Variants in PCDHGB2 observed in about 807,000 individuals in gnomAD.
The protein encoded by PCDHGB2 is protocadherin gamma subfamily B, 2, also known as protocadherin gamma-B2.
A neutral mutation model predicts 59.3 loss-of-function variants in PCDHGB2; 55 were observed. That is an observed-to-expected ratio of 0.93 (90% confidence interval 0.75 to 1.16). The LOEUF is 1.16. PCDHGB2 is among the 50% of genes most tolerant of loss of function. The probability of loss-of-function intolerance (pLI) is 0.00; values close to 1 mark genes in which losing one functional copy is unlikely to be tolerated. For missense variants in PCDHGB2, 1,228 were observed against 1,198.5 expected (o/e 1.02, Z -0.36); for synonymous variants, 516 against 512.0 (o/e 1.01, Z -0.11).
At chr5:141,364,915 G>T (rs1763616813) in intron 1 of PCDHGB2, 1 of 1,613,946 alleles carries the variant, frequency 6.2e-7, no homozygotes, top group East Asian at 2.2e-5. Flanking sequence ...CGGAGCTGGT[G>T]TTGGAACAGC....
intron 1 of PCDHGB2, chr5:141,372,647 C>T (rs1768941423): frequency 1.9e-6 from 3 of 1,613,918 alleles, no homozygotes; most frequent in South Asian, 2.2e-5. Flanking sequence ...TGCCTTATTC[C>T]TACAATCCGT....
chr5:141,391,493 G>A (rs949161885), intron 1 of PCDHGB2: 1 of 151,954 alleles, frequency 6.6e-6, no homozygotes, highest in Non-Finnish European at 1.5e-5. Context: ...TCTGTTTTCA[G>A]TAGAGAAAAT....
At chr5:141,421,529 C>T in intron 1 of PCDHGB2, 1 of 1,614,020 alleles carries the variant, frequency 6.2e-7, no homozygotes, top group Non-Finnish European at 8.5e-7. Flanking sequence ...GAGACGGTGT[C>T]CTCCTGTTTT....
At chr5:141,379,009 A>T (rs1310996873) in intron 1 of PCDHGB2, 1 of 152,210 alleles carries the variant, frequency 6.6e-6, no homozygotes, top group Non-Finnish European at 1.5e-5. Flanking sequence ...ATTTTTCTCC[A>T]GTCATGAGTT....
At chr5:141,488,478 A>T (rs1251914951) in intron 1 of PCDHGB2, among the ~76,000 whole-genome samples, 5 of 152,072 alleles carry the variant, frequency 3.3e-5, no homozygotes, top group African/African-American at 4.8e-5. Flanking sequence ...ATGTTCCCCT[A>T]CCCAAAAACT....
intron 1 of PCDHGB2, among the ~76,000 whole-genome samples, chr5:141,425,078 G>A (rs1196415752): frequency 3.9e-5 from 6 of 152,112 alleles, no homozygotes; most frequent in Admixed American, 6.5e-5. Flanking sequence ...AATTTCAACT[G>A]TAGGAAAGGC....
chr5:141,473,269 A>G (rs2099318337), intron 1 of PCDHGB2, among the ~76,000 whole-genome samples: 1 of 152,208 alleles, frequency 6.6e-6, no homozygotes. Flanking sequence ...AGTGTATGCT[A>G]TGATTATTTT....
intron 1 of PCDHGB2, chr5:141,364,981 C>A (rs756594174): frequency 7.2e-5 from 116 of 1,613,766 alleles, no homozygotes; most frequent in Non-Finnish European, 8.6e-5. Context: ...CTTTAGATGG[C>A]GGAGACCCGG....
Position 141,489,772 on chromosome 5 carries a change from T to C in PCDHGB2, c.2422-5035T>C, listed in dbSNP as rs1327700197. 6.2e-7 allele frequency: 1 copy of C among 1,614,154 alleles called. No individual in the cohort carries two copies. The highest frequency in any genetic ancestry group is 8.5e-7 in the Non-Finnish European group (1 of 1,179,994). ...TTACACTCTAAGCCCCAACAGCCAC[T>C]TCTCTCTGAATGTGAAGACCCTAAA... On this transcript the variant is annotated intron_variant, in intron 1 of 3. Coordinates refer to ENST00000522605, the MANE Select transcript of PCDHGB2 (RefSeq NM_018923.3). This position sits in a 1 kb window ranked among gnomAD's most constrained non-coding sequence, Gnocchi z 4.5.
chr5:141,433,358 C>CGTAT, intron 1 of PCDHGB2: 1 of 503,368 alleles, frequency 2.0e-6, no homozygotes, highest in Non-Finnish European at 3.5e-6. Context: ...CTACTGTCTG[C>CGTAT]CTATCTATCT....
At chr5:141,458,100 A>AT (rs2098937418) in intron 1 of PCDHGB2, among the ~76,000 whole-genome samples, 1 of 152,252 alleles carries the variant, frequency 6.6e-6, no homozygotes, top group Non-Finnish European at 1.5e-5. Context: ...GAGTACTTAC[A>AT]GATAGTCTCC....
chr5:141,387,866 G>A, intron 1 of PCDHGB2: 2 of 1,590,640 alleles, frequency 1.3e-6, no homozygotes, highest in South Asian at 1.1e-5. Context: ...TGGTGAGCAA[G>A]CTGAGGAGAG....
intron 1 of PCDHGB2, chr5:141,422,102 T>A: frequency 6.2e-7 from 1 of 1,609,526 alleles, no homozygotes; most frequent in Non-Finnish European, 8.5e-7. Context: ...GCTTCTGAAA[T>A]ATTCCAATTG....
At chr5:141,398,421 G>A in intron 1 of PCDHGB2, 2 of 1,510,606 alleles carry the variant, frequency 1.3e-6, no homozygotes, top group Non-Finnish European at 1.8e-6. Context: ...TATGCGGGAA[G>A]AAGCCAGCTT....
rs1486791355 is a variant in PCDHGB2 at position 141,476,804 on chromosome 5, A to G, written c.2422-18003A>G. Reference sequence around the variant, plus strand: ...CCCAGCTCTCTCCGCCAGCCTGCCTATTCACATCAAGGTGCTGGACGCGAA... The same window carrying G: ...CCCAGCTCTCTCCGCCAGCCTGCCTGTTCACATCAAGGTGCTGGACGCGAA... On this transcript the variant is annotated intron_variant, in intron 1 of 3. Coordinates refer to ENST00000522605, the MANE Select transcript of PCDHGB2 (RefSeq NM_018923.3). The surrounding 1 kb of genome is among the most constrained non-coding windows in gnomAD (Gnocchi z 7.6). 5 of 1,613,476 alleles carry G rather than the reference A, an allele frequency of 3.1e-6. No individual in the cohort carries two copies. Among genetic ancestry groups the G allele is most frequent in the South Asian group, 2.2e-5 (2 of 91,080 alleles).
At chr5:141,495,279 G>T (rs72790069) in intron 2 of PCDHGB2, among the ~76,000 whole-genome samples, 4 of 152,146 alleles carry the variant, frequency 2.6e-5, no homozygotes, top group Non-Finnish European at 5.9e-5. Context: ...CGGAGGAGGC[G>T]GTCCGCACTC....
rs775380177 is a variant in PCDHGB2, at chr5:141,422,666, C to T, written c.2421+60110C>T. The T allele has an allele frequency of 3.1e-6, 5 of 1,608,026 alleles. No individual in the cohort carries two copies. In the South Asian group the frequency reaches 3.3e-5, roughly 11 times the overall value. ...ATCTTCTCAGTGACCGCCCTCGACC[C>T]GGACAGCAAACAGAATGCCCTGGTC... On this transcript the variant is annotated intron_variant, in intron 1 of 3. Transcript: ENST00000522605.
At chr5:141,410,849 C>CTTTTTCT (rs2095432763) in intron 1 of PCDHGB2, 1 of 129,786 alleles carries the variant, frequency 7.7e-6, no homozygotes, top group Non-Finnish European at 1.3e-5. Flanking sequence ...TTGTCTTTGT[C>CTTTTTCT]TTTTTTTTTT....
chr5:141,492,894 G>A (rs2099744893), intron 1 of PCDHGB2, among the ~76,000 whole-genome samples: 1 of 152,202 alleles, frequency 6.6e-6, no homozygotes, highest in Admixed American at 6.5e-5. Flanking sequence ...GGCTTTTGGC[G>A]CCGTCGTGAT....
Sources: gnomAD v4.1 joint callset for allele counts (sites outside exome capture counted in the v4.1 genomes callset) on GRCh38, gnomAD v4.1.1 for gene constraint, Gnocchi (gnomAD v3.1) non-coding constraint, MANE v1.5 for transcripts, NCBI Gene and HGNC (gene_info 2026-07-23, HGNC 2026-07-21) for gene names.